SYNGR1: variants seen among roughly 807,000 people sequenced by gnomAD.
SYNGR1 encodes the protein synaptogyrin 1, also known as synaptogyrin-1.
Under a neutral mutation model 26.1 loss-of-function variants are expected in SYNGR1, and 14 were observed. The ratio of observed to expected loss-of-function variants is 0.54; its 90% CI spans 0.35 to 0.84. SYNGR1 has a LOEUF of 0.84. Among genes scored for constraint, SYNGR1 ranks in the 40% least tolerant of loss-of-function variants. The pLI, the probability that SYNGR1 is intolerant of heterozygous loss-of-function variation, is 0.01. For missense variants in SYNGR1, 319 were observed against 332.9 expected (o/e 0.96, Z 0.33); for synonymous variants, 141 against 150.1 (o/e 0.94, Z 0.44).
At chr22:39,370,417 A>G (rs1924965127) in intron 1 of SYNGR1, among the ~76,000 whole-genome samples, 1 of 152,244 alleles carries the variant, frequency 6.6e-6, no homozygotes, top group African/African-American at 2.4e-5. Context: ...GGTGTGAGCC[A>G]CCGCGCCTGG....
intron 1 of SYNGR1, among the ~76,000 whole-genome samples, chr22:39,369,342 G>A (rs1394750228): frequency 1.3e-5 from 2 of 149,974 alleles, no homozygotes; most frequent in Non-Finnish European, 3.0e-5. Flanking sequence ...GTCTTGGTTT[G>A]TCAGTAGCTC....
intron 3 of SYNGR1, chr22:39,377,731 CT>C (rs770816656): frequency 3.7e-6 from 6 of 1,605,616 alleles, no homozygotes; most frequent in Middle Eastern, 1.6e-4. Flanking sequence ...TGTATCACCC[CT>C]GGCAGTGAGG....
At chr22:39,367,483 G>A (rs865876627) in intron 1 of SYNGR1, among the ~76,000 whole-genome samples, 14 of 152,182 alleles carry the variant, frequency 9.2e-5, no homozygotes, top group East Asian at 3.9e-4. Context: ...CCCCAGGAGC[G>A]GTGGGCGGGG....
At chr22:39,376,470 C>T (rs930901600) in intron 3 of SYNGR1, among the ~76,000 whole-genome samples, 5 of 152,182 alleles carry the variant, frequency 3.3e-5, no homozygotes, top group South Asian at 2.1e-4. Context: ...ACCACCCCCC[C>T]CCCAAACCAC....
chr22:39,356,629 A>C (rs1393378850), intron 1 of SYNGR1, among the ~76,000 whole-genome samples: 2 of 152,022 alleles, frequency 1.3e-5, no homozygotes, highest in Non-Finnish European at 1.5e-5. Flanking sequence ...GGAGGGAGGA[A>C]GGGAGAGGCA....
rs961429258 is a variant in SYNGR1, at chr22:39,384,246, C to T, written c.*2332C>T. 9.0e-5 allele frequency: 30 copies of T among 332,946 alleles called. No homozygotes were observed. In the South Asian group the frequency reaches 1.1e-3, roughly 12 times the overall value. 20.6% of individuals were successfully genotyped at this position (332,946 alleles called of 1,614,324 possible). A position where few individuals can be genotyped will look rare whatever the true frequency, so the allele number is the denominator to read the frequency against. On this transcript the variant is annotated 3_prime_UTR_variant, in exon 4 of 4. Coordinates refer to ENST00000328933, the MANE Select transcript of SYNGR1 (RefSeq NM_004711.5). ...AGGGTACTGCCCATCTGTTTCTCCT[C>T]GGGTGCCAGCCAGCTGCTGGTGATC...
intron 1 of SYNGR1, among the ~76,000 whole-genome samples, chr22:39,353,198 AT>A (rs138341773): frequency 2.6e-5 from 4 of 151,238 alleles, no homozygotes; most frequent in Admixed American, 6.6e-5. Context: ...TAAAAGAAAG[AT>A]TTTTTTTTCT....
In SYNGR1 at chr22:39,374,499, A is replaced by G; in HGVS notation, c.283A>G (p.Ile95Val). 6.2e-7 allele frequency: 1 copy of G among 1,613,656 alleles called. No homozygotes were observed. The highest frequency in any genetic ancestry group is 1.1e-5 in the South Asian group (1 of 91,072). Reference sequence around the variant, plus strand: ...GGCCCTGGACGTGTACTTCCCGCAGATCAGCAGCGTCAAGGACCGCAAGAA... The same window carrying G: ...GGCCCTGGACGTGTACTTCCCGCAGGTCAGCAGCGTCAAGGACCGCAAGAA... ...YLALDVYFPQ[I>V]SSVKDRKKAV... Residue 95 changes from isoleucine to valine, a missense_variant, in exon 2 of 4, where the codon ATC becomes GTC. By Grantham distance (29) the Ile-to-Val change is conservative. Coordinates refer to ENST00000328933, the MANE Select transcript of SYNGR1 (RefSeq NM_004711.5).
At chr22:39,378,670 G>A (rs1194563700) in intron 3 of SYNGR1, among the ~76,000 whole-genome samples, 1 of 152,228 alleles carries the variant, frequency 6.6e-6, no homozygotes, top group African/African-American at 2.4e-5. Context: ...TGGCACTGGA[G>A]GCATCCCAGT....
chr22:39,370,062 G>C (rs1189364693), intron 1 of SYNGR1, among the ~76,000 whole-genome samples: 2 of 151,854 alleles, frequency 1.3e-5, no homozygotes, highest in Non-Finnish European at 2.9e-5. Flanking sequence ...CAAACTCCCA[G>C]GCTCAAGCAA....
intron 1 of SYNGR1, among the ~76,000 whole-genome samples, chr22:39,371,206 G>A (rs374856867): frequency 5.3e-5 from 8 of 152,318 alleles, no homozygotes; most frequent in African/African-American, 1.7e-4. Context: ...GCCGGGCGTG[G>A]TGGCTGACTC....
intron 1 of SYNGR1, among the ~76,000 whole-genome samples, chr22:39,361,015 G>T (rs1041008539): frequency 3.2e-4 from 48 of 152,210 alleles, no homozygotes; most frequent in Admixed American, 4.6e-4. Flanking sequence ...CGTCCTTCTA[G>T]CCACGGTTCT....
chr22:39,360,979 A>C (rs1569176598), intron 1 of SYNGR1, among the ~76,000 whole-genome samples: 1 of 152,178 alleles, frequency 6.6e-6, no homozygotes, highest in Non-Finnish European at 1.5e-5. Context: ...CTATGGATGG[A>C]CGTGGCGGGA....
intron 2 of SYNGR1, 44 bp from the exon 3 acceptor site, chr22:39,376,008 C>A (rs745632161): frequency 1.2e-6 from 2 of 1,613,788 alleles, no homozygotes; most frequent in Admixed American, 1.7e-5. Flanking sequence ...CCCTCTCCCC[C>A]ATGTGTGGCA....
chr22:39,376,670 T>G (rs1423533995), intron 3 of SYNGR1, among the ~76,000 whole-genome samples: 1 of 152,094 alleles, frequency 6.6e-6, no homozygotes, highest in African/African-American at 2.4e-5. Flanking sequence ...GAGGGTAGGA[T>G]CTGGGGGACA....
At chr22:39,352,651 A>G (rs1335791378) in intron 1 of SYNGR1, among the ~76,000 whole-genome samples, 2 of 152,118 alleles carry the variant, frequency 1.3e-5, no homozygotes, top group Non-Finnish European at 2.9e-5. Context: ...TGGCCCTCAC[A>G]CCACAGGGCA....
intron 1 of SYNGR1, among the ~76,000 whole-genome samples, chr22:39,358,990 T>C (rs1463247773): frequency 1.3e-5 from 2 of 152,242 alleles, no homozygotes; most frequent in African/African-American, 2.4e-5. Flanking sequence ...GCTGCAATCA[T>C]GCAGGAGCTT....
Position 39,376,357 on chromosome 22 carries a change from G to A in SYNGR1, c.483+160G>A. ...GCCTGTCTGCGGCGCTCACAGTGGT[G>A]CTGCCTCCCTCAGCAAGGAGGCTAC... On this transcript the variant is annotated intron_variant, in intron 3 of 3. Transcript: ENST00000328933. The A allele has an allele frequency of 2.3e-6, 3 of 1,279,892 alleles. No homozygotes were observed. The South Asian group carries it at 3.7e-5, about 16-fold the overall frequency. The allele number at this position is 1,279,892 out of a possible 1,614,324, so 79.3% of individuals were successfully genotyped here. A position where few individuals can be genotyped will look rare whatever the true frequency, so the allele number is the denominator to read the frequency against.
At chr22:39,377,625 A>C (rs1170334249) in intron 3 of SYNGR1, 1 of 1,613,996 alleles carries the variant, frequency 6.2e-7, no homozygotes, top group Non-Finnish European at 8.5e-7. Context: ...GGCCGTGCGG[A>C]GATTCAAGGA....
Sources: allele counts gnomAD v4.1 joint callset (sites outside exome capture counted in the v4.1 genomes callset), GRCh38; gene constraint gnomAD v4.1.1; transcripts MANE v1.5; gene names NCBI Gene and HGNC (gene_info 2026-07-23, HGNC 2026-07-21).